MAPK10: variants seen among roughly 807,000 people sequenced by gnomAD.
MAPK10 encodes JNK3 alpha protein kinase.
MAPK10 carries 25 observed loss-of-function variants against 59.3 expected under a neutral mutation model. The ratio of observed to expected loss-of-function variants is 0.42; its 90% confidence interval spans 0.31 to 0.59. The LOEUF (loss-of-function observed/expected upper bound fraction) is 0.59, where lower values mean the gene tolerates loss of function less well. Ranked by LOEUF, MAPK10 falls within the 20% of genes least tolerant of loss-of-function variation. The pLI, the probability that MAPK10 is intolerant of heterozygous loss-of-function variation, is 0.15. For synonymous variants in MAPK10, 190 were observed against 200.5 expected (o/e 0.95, Z 0.44); for missense variants, 351 against 568.9 (o/e 0.62, Z 3.90).
At chr4:86,221,044 T>C (rs919975797) in intron 2 of MAPK10, among the ~76,000 whole-genome samples, 3 of 152,160 alleles carry the variant, frequency 2.0e-5, no homozygotes, top group Non-Finnish European at 4.4e-5. Context: ...CTTAGGCTAG[T>C]CCACTGAGCT....
At chr4:86,470,740 G>T (rs1255271910) in intron 1 of MAPK10, among the ~76,000 whole-genome samples, 1 of 150,112 alleles carries the variant, frequency 6.7e-6, no homozygotes, top group African/African-American at 2.4e-5. Flanking sequence ...AATGTTAGGT[G>T]AATGTATTGC....
Position 86,194,401 on chromosome 4 carries a change from TA to T in MAPK10, c.-1del. ...CAGTAGTATAAGAAATGGAGGCTCA[TA>T]AATACCTAGAGGAAAAAGAAATGGA... On this transcript the variant is annotated 5_prime_UTR_variant, in exon 3 of 14. Coordinates refer to ENST00000641462, the MANE Select transcript of MAPK10 (RefSeq NM_138982.4). The T allele has an allele frequency of 2.5e-6, 4 of 1,586,352 alleles. No homozygotes were observed. The highest frequency in any genetic ancestry group is 2.6e-6 in the Non-Finnish European group (3 of 1,155,052).
intron 9 of MAPK10, chr4:86,095,093 T>G (rs1374625527): frequency 6.6e-6 from 1 of 151,826 alleles, no homozygotes; most frequent in Non-Finnish European, 1.5e-5. Flanking sequence ...CCTCTGGATA[T>G]TAAAGTAATT....
At chr4:86,187,155 C>T (rs932952401) in intron 3 of MAPK10, among the ~76,000 whole-genome samples, 1 of 151,818 alleles carries the variant, frequency 6.6e-6, no homozygotes, top group Admixed American at 6.6e-5. Context: ...ATTTTAAGAC[C>T]CCCAGTGGAT....
At chr4:86,059,697 C>G (rs2045346472) in intron 11 of MAPK10, among the ~76,000 whole-genome samples, 1 of 152,060 alleles carries the variant, frequency 6.6e-6, no homozygotes, top group South Asian at 2.1e-4. Flanking sequence ...CACCTTCCAG[C>G]CAAATTGGTT....
At chr4:86,477,301 T>A (rs963135633) in intron 1 of MAPK10, among the ~76,000 whole-genome samples, 5 of 152,188 alleles carry the variant, frequency 3.3e-5, no homozygotes, top group Admixed American at 6.5e-5. Flanking sequence ...AATACTCTTT[T>A]AAGCACTCCT....
chr4:86,372,564 G>GAAAGAA (rs1554253766), intron 1 of MAPK10, among the ~76,000 whole-genome samples: 1 of 78,690 alleles, frequency 1.3e-5, no homozygotes, highest in African/African-American at 4.4e-5. Flanking sequence ...AAGAAAGAAA[G>GAAAGAA]AAAGAAAAGA....
chr4:86,211,574 T>C (rs1353577693), intron 2 of MAPK10, among the ~76,000 whole-genome samples: 2 of 152,102 alleles, frequency 1.3e-5, no homozygotes, highest in African/African-American at 4.8e-5. Flanking sequence ...CAAGAAATGC[T>C]AAATAAAGTC....
At chr4:86,249,268 G>T (rs1488424728) in intron 2 of MAPK10, among the ~76,000 whole-genome samples, 1 of 151,892 alleles carries the variant, frequency 6.6e-6, no homozygotes, top group Non-Finnish European at 1.5e-5. Flanking sequence ...GACATCTGGA[G>T]GTGGGTGGCT....
At chr4:86,053,479 A>T (rs774863739) in intron 11 of MAPK10, among the ~76,000 whole-genome samples, 27 of 152,176 alleles carry the variant, frequency 1.8e-4, no homozygotes, top group South Asian at 4.1e-4. Flanking sequence ...GAGATTCCCC[A>T]ATTTTGTAGC....
At chr4:86,402,230 G>A (rs1410126813) in intron 1 of MAPK10, among the ~76,000 whole-genome samples, 1 of 151,908 alleles carries the variant, frequency 6.6e-6, no homozygotes, top group Non-Finnish European at 1.5e-5. Context: ...CAACACAAAG[G>A]AAAGCAGAAT....
intron 2 of MAPK10, among the ~76,000 whole-genome samples, chr4:86,312,881 G>A (rs1355070134): frequency 6.6e-6 from 1 of 152,046 alleles, no homozygotes; most frequent in Non-Finnish European, 1.5e-5. Context: ...TTAGTGTAAG[G>A]AACACAAAGC....
intron 2 of MAPK10, among the ~76,000 whole-genome samples, chr4:86,222,600 A>G (rs2089877274): frequency 6.6e-6 from 1 of 152,260 alleles, no homozygotes; most frequent in Admixed American, 6.5e-5. Context: ...ATAATACAGT[A>G]CAGCTTGTAT....
chr4:86,248,805 C>T (rs1431005251), intron 2 of MAPK10, among the ~76,000 whole-genome samples: 1 of 152,162 alleles, frequency 6.6e-6, no homozygotes, highest in Admixed American at 6.5e-5. Context: ...ATCATTATTT[C>T]TGTAATAAAG....
Position 86,164,039 on chromosome 4 carries a change from C to T in MAPK10, c.67-4572G>A, listed in dbSNP as rs910214653. On this transcript the variant is annotated intron_variant, in intron 3 of 13. Transcript: ENST00000641462. ...TCATTTTCATTTGTGAATGACTGTCCTATGTTTCTGATAGTCAGTTCCTGA... is the reference window on the plus strand; with the variant it reads ...TCATTTTCATTTGTGAATGACTGTCTTATGTTTCTGATAGTCAGTTCCTGA... Among the ~76,000 whole-genome samples the T allele has an allele frequency of 1.7e-4, 26 of 152,166 alleles. No homozygotes were observed. The East Asian group carries it at 2.9e-3, about 17-fold the overall frequency.
chr4:86,579,516 TACAC>T (rs35878270), intron 1 of MAPK10, among the ~76,000 whole-genome samples: 1,749 of 146,272 alleles, frequency 0.012, 10 homozygotes, highest in African/African-American at 0.023. Flanking sequence ...GATATGTGTA[TACAC>T]ACACACACAC....
chr4:86,282,721 T>C (rs1481227927), intron 2 of MAPK10, among the ~76,000 whole-genome samples: 2 of 152,174 alleles, frequency 1.3e-5, no homozygotes, highest in Non-Finnish European at 2.9e-5. Flanking sequence ...TTTGAAAGCT[T>C]ACTAAGCCTC....
At chr4:86,521,844 T>C (rs1233083195) in intron 1 of MAPK10, among the ~76,000 whole-genome samples, 2 of 152,124 alleles carry the variant, frequency 1.3e-5, no homozygotes, top group South Asian at 2.1e-4. Context: ...CCACCACCAA[T>C]TGTGGTCAGG....
chr4:86,562,663 C>A (rs1362498964), intron 1 of MAPK10, among the ~76,000 whole-genome samples: 3 of 152,012 alleles, frequency 2.0e-5, no homozygotes, highest in Non-Finnish European at 4.4e-5. Flanking sequence ...CCACTGTACT[C>A]CAGCCTGGGT....
Sources: gnomAD v4.1 joint callset for allele counts (sites outside exome capture counted in the v4.1 genomes callset) on GRCh38, gnomAD v4.1.1 for gene constraint, MANE v1.5 for transcripts, NCBI Gene and HGNC (gene_info 2026-07-23, HGNC 2026-07-21) for gene names.